The following FBXO36 variants were observed in gnomAD, a reference collection of about 807,000 sequenced individuals.
FBXO36 encodes the protein F-box only protein 36.
FBXO36 carries 18 observed loss-of-function variants against 17.0 expected under a neutral mutation model. The observed-to-expected ratio is 1.06, with a 90% CI of 0.73 to 1.57. The LOEUF (loss-of-function observed/expected upper bound fraction) is 1.57, where lower values mean the gene tolerates loss of function less well. FBXO36 is among the 40% of genes most tolerant of loss of function. The pLI, the probability that FBXO36 is intolerant of heterozygous loss-of-function variation, is 0.00. For missense variants in FBXO36, 229 were observed against 221.9 expected (o/e 1.03, Z -0.20); for synonymous variants, 83 against 85.3 (o/e 0.97, Z 0.15).
chr2:230,006,093 T>G (rs1240025115), intron 3 of FBXO36, among the ~76,000 whole-genome samples: 2 of 150,742 alleles, frequency 1.3e-5, no homozygotes, highest in Admixed American at 6.7e-5. Context: ...CATTCTATTT[T>G]ATTTTATTTT....
At chr2:229,977,533 C>A (rs1440892814) in intron 2 of FBXO36, among the ~76,000 whole-genome samples, 1 of 152,132 alleles carries the variant, frequency 6.6e-6, no homozygotes, top group African/African-American at 2.4e-5. Flanking sequence ...TCACTGCAAC[C>A]TCTACCTCCC....
At chr2:229,983,911 CA>C (rs1174640508) in intron 2 of FBXO36, among the ~76,000 whole-genome samples, 1 of 152,254 alleles carries the variant, frequency 6.6e-6, no homozygotes, top group East Asian at 1.9e-4. Flanking sequence ...AATAAGTACT[CA>C]AAAAATTCCA....
chr2:229,957,233 A>G (rs2077093131), intron 1 of FBXO36, among the ~76,000 whole-genome samples: 1 of 152,194 alleles, frequency 6.6e-6, no homozygotes, highest in Non-Finnish European at 1.5e-5. Context: ...CCACACAGTA[A>G]AGAGGGAAAT....
At chr2:229,988,069 T>C (rs992731897) in intron 2 of FBXO36, among the ~76,000 whole-genome samples, 10 of 152,230 alleles carry the variant, frequency 6.6e-5, no homozygotes, top group Non-Finnish European at 1.2e-4. Context: ...CTAATTTCCA[T>C]TTTGATTTCT....
intron 1 of FBXO36, among the ~76,000 whole-genome samples, chr2:229,959,106 T>C (rs1271510802): frequency 6.6e-6 from 1 of 152,212 alleles, no homozygotes; most frequent in Non-Finnish European, 1.5e-5. Flanking sequence ...TGTAGCCTCC[T>C]ATTGCTTATA....
chr2:229,996,024 C>G (rs542529321), intron 2 of FBXO36, among the ~76,000 whole-genome samples: 155 of 151,806 alleles, frequency 1.0e-3, no homozygotes, highest in Non-Finnish European at 1.6e-3. Flanking sequence ...GCCTGGAATC[C>G]CAGCACTTTG....
At chr2:229,982,155 C>T (rs1474569001) in intron 2 of FBXO36, among the ~76,000 whole-genome samples, 1 of 152,026 alleles carries the variant, frequency 6.6e-6, no homozygotes, top group African/African-American at 2.4e-5. Flanking sequence ...TCCTAAGTAG[C>T]TGGGACTACA....
At chr2:229,952,492 C>T (rs780904745) in intron 1 of FBXO36, among the ~76,000 whole-genome samples, 8 of 152,170 alleles carry the variant, frequency 5.3e-5, no homozygotes, top group Non-Finnish European at 1.0e-4. Context: ...CTGCTGTTTC[C>T]CATGAGGCAT....
chr2:229,978,158 C>T (rs767541998), intron 2 of FBXO36, among the ~76,000 whole-genome samples: 7 of 152,048 alleles, frequency 4.6e-5, no homozygotes, highest in South Asian at 2.1e-4. Flanking sequence ...TGTGGTGACA[C>T]GTGCCTGTAG....
rs2077418412 is a variant in FBXO36 at position 230,012,015 on chromosome 2, G to A, written c.*1131G>A. Reference sequence around the variant, plus strand: ...ACCCCTAGAAAATGAACTCATAGCAGCAAATAATCTAATGACTCCTTTTAG... The same window carrying A: ...ACCCCTAGAAAATGAACTCATAGCAACAAATAATCTAATGACTCCTTTTAG... On this transcript the variant is annotated 3_prime_UTR_variant, in exon 4 of 4. Coordinates refer to ENST00000283946, the MANE Select transcript of FBXO36 (RefSeq NM_174899.5). 6.6e-6 allele frequency: 1 copy of A among 152,130 alleles called. No homozygotes were observed. Among genetic ancestry groups the A allele is most frequent in the Admixed American group, 6.5e-5 (1 of 15,274 alleles). The allele number at this position is 152,130 out of a possible 1,614,324, so 9.4% of individuals were successfully genotyped here.
intron 1 of FBXO36, among the ~76,000 whole-genome samples, chr2:229,932,167 G>A (rs2076942050): frequency 6.6e-6 from 1 of 151,744 alleles, no homozygotes; most frequent in African/African-American, 2.4e-5. Flanking sequence ...GGATCACAAA[G>A]TCAGGAGTTC....
At chr2:229,942,124 C>G (rs1560434171) in intron 1 of FBXO36, among the ~76,000 whole-genome samples, 1 of 152,104 alleles carries the variant, frequency 6.6e-6, no homozygotes, top group Non-Finnish European at 1.5e-5. Context: ...TAACTAAGGA[C>G]TTTTAGGAGG....
chr2:229,986,537 T>TC (rs201592211), intron 2 of FBXO36, among the ~76,000 whole-genome samples: 1 of 150,382 alleles, frequency 6.6e-6, no homozygotes, highest in African/African-American at 2.4e-5. Flanking sequence ...ATAAAAATTT[T>TC]TTTTTTTTTT....
At chr2:229,994,152 T>A (rs1049015025) in intron 2 of FBXO36, among the ~76,000 whole-genome samples, 4 of 152,188 alleles carry the variant, frequency 2.6e-5, no homozygotes, top group African/African-American at 9.7e-5. Context: ...TTTCTTGTCA[T>A]TTTAAAGTAT....
intron 1 of FBXO36, among the ~76,000 whole-genome samples, chr2:229,938,158 G>A (rs1303807156): frequency 1.3e-5 from 2 of 151,108 alleles, no homozygotes; most frequent in Non-Finnish European, 2.9e-5. Flanking sequence ...TTGTAGAGAT[G>A]GGGTTGTAGA....
intron 2 of FBXO36, among the ~76,000 whole-genome samples, chr2:229,993,156 G>A (rs928354169): frequency 1.3e-4 from 20 of 152,082 alleles, no homozygotes; most frequent in Non-Finnish European, 4.4e-5. Flanking sequence ...ATGTTGATTT[G>A]CCATATTTTG....
chr2:229,949,050 G>A (rs1404959487), intron 1 of FBXO36, among the ~76,000 whole-genome samples: 1 of 152,118 alleles, frequency 6.6e-6, no homozygotes, highest in Non-Finnish European at 1.5e-5. Flanking sequence ...GGCCAGGCTG[G>A]TCTTAAACTC....
chr2:229,952,311 A>G (rs927554628), intron 1 of FBXO36, among the ~76,000 whole-genome samples: 1 of 152,138 alleles, frequency 6.6e-6, no homozygotes, highest in Non-Finnish European at 1.5e-5. Flanking sequence ...GAGATGCAAG[A>G]GTTTAGGAGT....
intron 1 of FBXO36, among the ~76,000 whole-genome samples, chr2:229,966,779 T>C (rs2077155388): frequency 6.6e-6 from 1 of 152,228 alleles, no homozygotes; most frequent in African/African-American, 2.4e-5. Context: ...TTTTGGTTAC[T>C]GTAGCCTTGT....
Sources: allele counts gnomAD v4.1 joint callset (sites outside exome capture counted in the v4.1 genomes callset), GRCh38; gene constraint gnomAD v4.1.1; transcripts MANE v1.5; gene names NCBI Gene and HGNC (gene_info 2026-07-23, HGNC 2026-07-21).